The following GRAMD4 variants were observed in gnomAD, a reference collection of about 807,000 sequenced individuals.
GRAMD4 encodes GRAM domain containing 4.
A neutral mutation model predicts 83.9 loss-of-function variants in GRAMD4; 25 were observed. The ratio of observed to expected loss-of-function variants is 0.30; its 90% CI spans 0.22 to 0.42. The LOEUF is 0.42. Among genes scored for constraint, GRAMD4 ranks in the 10% least tolerant of loss-of-function variants. The pLI is 1.00. For synonymous variants in GRAMD4, 336 were observed against 320.9 expected (o/e 1.05, Z -0.50); for missense variants, 593 against 788.7 (o/e 0.75, Z 2.97).
Position 46,666,855 on chromosome 22 carries a change from C to G in GRAMD4, c.840C>G (p.Pro280=). 1.2e-6 allele frequency: 2 copies of G among 1,603,702 alleles called. No individual in the cohort carries two copies. Among genetic ancestry groups the G allele is most frequent in the Non-Finnish European group, 1.7e-6 (2 of 1,175,038 alleles). ...RGWRIQWSIV[P]EVSEPVEPPK... is the part of the protein sequence containing the mutation. ...GGCGGATACAGTGGAGCATCGTGCC[C>G]GAAGTGTCTGAGCCCGTGGTAAGTC... Residue 280 remains proline, a synonymous_variant, in exon 10 of 19, where the codon CCC becomes CCG. Coordinates refer to ENST00000406902, the MANE Select transcript of GRAMD4 (RefSeq NM_015124.5).
intron 1 of GRAMD4, among the ~76,000 whole-genome samples, chr22:46,608,760 G>A (rs2081389313): frequency 6.6e-6 from 1 of 152,180 alleles, no homozygotes; most frequent in South Asian, 2.1e-4. Flanking sequence ...TGTAATCCCA[G>A]CACTTTGGGA....
chr22:46,604,027 A>G (rs776170949), intron 1 of GRAMD4, among the ~76,000 whole-genome samples: 7 of 152,132 alleles, frequency 4.6e-5, no homozygotes, highest in Non-Finnish European at 8.8e-5. Flanking sequence ...AGATGTCCCA[A>G]CGTGATTGGT....
intron 1 of GRAMD4, among the ~76,000 whole-genome samples, chr22:46,591,582 C>G (rs946010467): frequency 6.6e-6 from 1 of 152,120 alleles, no homozygotes; most frequent in African/African-American, 2.4e-5. Flanking sequence ...CGCCTGTAAT[C>G]CCAGCACTTT....
chr22:46,673,884 G>A, intron 15 of GRAMD4, 70 bp downstream of exon 15: 1 of 1,537,420 alleles, frequency 6.5e-7, no homozygotes, highest in South Asian at 1.1e-5. Context: ...GGGGGGCGCT[G>A]TGGATGCAGG....
intron 2 of GRAMD4, among the ~76,000 whole-genome samples, chr22:46,628,744 C>T (rs1000398541): frequency 1.3e-5 from 2 of 152,044 alleles, no homozygotes; most frequent in African/African-American, 4.8e-5. Context: ...TGGGAGTCTT[C>T]ACCTGGGGCA....
intron 15 of GRAMD4, 35 bp downstream of exon 15, chr22:46,673,849 G>A (rs780213130): frequency 1.7e-5 from 27 of 1,609,422 alleles, no homozygotes; most frequent in Admixed American, 1.7e-4. Context: ...CAGGCCGAGC[G>A]CCGACACAGA....
At chr22:46,657,600 G>A (rs1466026543) in intron 3 of GRAMD4, among the ~76,000 whole-genome samples, 3 of 152,166 alleles carry the variant, frequency 2.0e-5, no homozygotes, top group Non-Finnish European at 2.9e-5. Flanking sequence ...CTGTGGCCTC[G>A]CTGTGTTCCC....
In GRAMD4 at chr22:46,679,676, G is replaced by GA. The variant is rs1162994978; in HGVS notation, c.*2432dup. ...GGATTGTACTGTATTAAGAACCGAT[G>GA]AAAAAAATTCTCCTGTAACATTTTT... is the stretch of plus-strand genomic sequence containing the variant. On this transcript the variant is annotated 3_prime_UTR_variant, in exon 19 of 19. Transcript: ENST00000406902. The GA allele has an allele frequency of 1.0e-6, 1 of 981,742 alleles. No individual in the cohort carries two copies. Among genetic ancestry groups the GA allele is most frequent in the Non-Finnish European group, 1.2e-6 (1 of 826,388 alleles). 60.8% of individuals were successfully genotyped at this position (981,742 alleles called of 1,614,324 possible).
chr22:46,582,472 C>T (rs1187795628), intron 1 of GRAMD4, among the ~76,000 whole-genome samples: 2 of 152,184 alleles, frequency 1.3e-5, no homozygotes, highest in East Asian at 3.9e-4. Context: ...TCTGCTGTCA[C>T]TGCTCTCCTC....
At chr22:46,636,562 G>A (rs1601606975) in intron 2 of GRAMD4, among the ~76,000 whole-genome samples, 1 of 152,226 alleles carries the variant, frequency 6.6e-6, no homozygotes. Context: ...GAGCCGTTGC[G>A]GTGCTGCTCC....
chr22:46,668,962 G>T, intron 13 of GRAMD4, 54 bp downstream of exon 13: 2 of 976,346 alleles, frequency 2.0e-6, no homozygotes, highest in Admixed American at 1.7e-5. Context: ...ACAGGTGTCC[G>T]CATGCCACCA....
In GRAMD4 at chr22:46,603,515, C is replaced by CT. The variant is rs71192425; in HGVS notation, c.-49-23217dup. On this transcript the variant is annotated intron_variant, in intron 1 of 1. Transcript: ENST00000431155. ...TGAGCCACCGCGCCCGGCCTCTTCT[C>CT]TTTTTTTTTTTTTTTTTTTGAGATG... Among the ~76,000 whole-genome samples the CT allele has an allele frequency of 5.5e-3, 450 of 81,576 alleles. 8 individuals are homozygous for CT. Among genetic ancestry groups the CT allele is most frequent in the Non-Finnish European group, 7.3e-3 (327 of 44,656 alleles). The allele number at this position is 81,576 out of a possible 152,430, so 53.5% of individuals were successfully genotyped here.
chr22:46,666,769 C>T (rs913750676), intron 9 of GRAMD4, 56 bp from the exon 10 acceptor site: 54 of 1,472,528 alleles, frequency 3.7e-5, no homozygotes, highest in Non-Finnish European at 4.8e-5. Context: ...GATTCGATGC[C>T]TTCCCCTGAC....
intron 3 of GRAMD4, among the ~76,000 whole-genome samples, chr22:46,644,747 T>A: frequency 6.9e-6 from 1 of 144,830 alleles, no homozygotes; most frequent in African/African-American, 2.6e-5. Context: ...TTTGTTTTGT[T>A]TTTGAGATAG....
At chr22:46,627,734 C>T (rs1453033854) in intron 2 of GRAMD4, among the ~76,000 whole-genome samples, 1 of 152,248 alleles carries the variant, frequency 6.6e-6, no homozygotes, top group Non-Finnish European at 1.5e-5. Context: ...GAGCGCCGGC[C>T]TTCCCTGGCT....
intron 1 of GRAMD4, among the ~76,000 whole-genome samples, chr22:46,612,199 G>C (rs985924657): frequency 6.6e-6 from 1 of 151,970 alleles, no homozygotes; most frequent in Non-Finnish European, 1.5e-5. Context: ...TAGAGGCGGG[G>C]TCTTGCCGTG....
chr22:46,665,589 T>A (rs368184056), intron 8 of GRAMD4, 26 bp from the exon 9 acceptor site: 29 of 1,301,824 alleles, frequency 2.2e-5, no homozygotes, highest in Non-Finnish European at 3.2e-5. Context: ...TGTCAGGAGG[T>A]CTGACGCCCT....
Position 46,607,150 on chromosome 22 carries a change from C to T in GRAMD4, c.-49-19601C>T, listed in dbSNP as rs1232589557. Reference sequence around the variant, plus strand: ...TGAAGCCTGGGGTCCCATCCCCCACCCTGTGATGGTTGTGATGTCCTTTCC... The same window carrying T: ...TGAAGCCTGGGGTCCCATCCCCCACTCTGTGATGGTTGTGATGTCCTTTCC... On this transcript the variant is annotated intron_variant, in intron 1 of 1. Transcript: ENST00000431155. Among the ~76,000 whole-genome samples, 3 of 151,918 alleles carry T rather than the reference C, an allele frequency of 2.0e-5. No homozygotes were observed. In the South Asian group the frequency reaches 6.2e-4, roughly 32 times the overall value.
At chr22:46,670,855 G>A (rs1034976815) in intron 13 of GRAMD4, among the ~76,000 whole-genome samples, 3 of 151,862 alleles carry the variant, frequency 2.0e-5, no homozygotes, top group African/African-American at 4.8e-5. Context: ...CCGCCCGCTC[G>A]GCCTCCCAAA....
Sources: gnomAD v4.1 joint callset for allele counts (sites outside exome capture counted in the v4.1 genomes callset) on GRCh38, gnomAD v4.1.1 for gene constraint, MANE v1.5 for transcripts, NCBI Gene and HGNC (gene_info 2026-07-23, HGNC 2026-07-21) for gene names.